The following SHISA9 variants were observed in gnomAD, a reference collection of about 807,000 sequenced individuals.
SHISA9 encodes shisa family member 9.
SHISA9 carries 13 observed loss-of-function variants against 38.0 expected under a neutral mutation model. That is an observed-to-expected ratio of 0.34 (90% CI 0.22 to 0.54). SHISA9 has a LOEUF of 0.54. Ranked by LOEUF, SHISA9 falls within the 20% of genes least tolerant of loss-of-function variation. The pLI is 0.91. For synonymous variants in SHISA9, 275 were observed against 242.0 expected (o/e 1.14, Z -1.27); for missense variants, 538 against 575.8 (o/e 0.93, Z 0.67).
chr16:12,965,618 T>C (rs1202270907), intron 2 of SHISA9, among the ~76,000 whole-genome samples: 3 of 152,206 alleles, frequency 2.0e-5, no homozygotes, highest in Admixed American at 6.5e-5. Context: ...AGGTGGCTGC[T>C]TTTTCAGGGA....
intron 2 of SHISA9, among the ~76,000 whole-genome samples, chr16:13,064,117 C>T (rs535745739): frequency 6.6e-6 from 1 of 152,264 alleles, no homozygotes; most frequent in Admixed American, 6.5e-5. Flanking sequence ...GTTGCCCAGG[C>T]TGGACTTGAA....
At chr16:13,072,778 A>G (rs1173213881) in intron 2 of SHISA9, among the ~76,000 whole-genome samples, 3 of 151,738 alleles carry the variant, frequency 2.0e-5, no homozygotes, top group African/African-American at 7.3e-5. Context: ...CTCCTGCCTC[A>G]GCCTCCTGAA....
intron 2 of SHISA9, among the ~76,000 whole-genome samples, chr16:13,061,008 T>A (rs927217348): frequency 6.6e-6 from 1 of 152,132 alleles, no homozygotes; most frequent in Non-Finnish European, 1.5e-5. Context: ...GCATGGTGCA[T>A]GGTATGGGGA....
the SHISA9 span, among the ~76,000 whole-genome samples, chr16:13,524,249 C>CG: frequency 3.3e-5 from 5 of 152,176 alleles, no homozygotes; most frequent in African/African-American, 1.2e-4. Context: ...ACATTGCCCC[C>CG]GGCTGTCCTG....
At chr16:13,318,838 A>G in the SHISA9 span, among the ~76,000 whole-genome samples, 1 of 152,334 alleles carries the variant, frequency 6.6e-6, no homozygotes, top group South Asian at 2.1e-4. Context: ...CTAAAAACAA[A>G]AGAAACTACA....
At chr16:13,421,844 C>T in the SHISA9 span, among the ~76,000 whole-genome samples, 3 of 152,264 alleles carry the variant, frequency 2.0e-5, no homozygotes, top group Non-Finnish European at 2.9e-5. Flanking sequence ...TTTTCCCAAA[C>T]GAATCCCAGG....
the SHISA9 span, among the ~76,000 whole-genome samples, chr16:13,336,119 A>G: frequency 6.6e-6 from 1 of 152,148 alleles, no homozygotes; most frequent in African/African-American, 2.4e-5. Context: ...GTCTCCCAGG[A>G]GCTAGTGGAA....
chr16:13,289,429 G>A, the SHISA9 span, among the ~76,000 whole-genome samples: 1 of 152,020 alleles, frequency 6.6e-6, no homozygotes, highest in Non-Finnish European at 1.5e-5. Context: ...CTTGTTCTTT[G>A]GGTCAGGGTT....
chr16:13,504,373 C>T, the SHISA9 span, among the ~76,000 whole-genome samples: 1 of 152,182 alleles, frequency 6.6e-6, no homozygotes, highest in South Asian at 2.1e-4. Context: ...TTTCCAAAAC[C>T]CATAAGGTCC....
rs1055182950 is a variant in SHISA9, at chr16:12,901,919, G to A, written c.-146G>A. On this transcript the variant is annotated 5_prime_UTR_variant, in exon 1 of 5. Transcript: ENST00000558583. ...CCGAGCGCAGTGGCCGCCGACCACCGAGCGCCCCGCGCCGCTCCCTGCATG... is the reference window on the plus strand; with the variant it reads ...CCGAGCGCAGTGGCCGCCGACCACCAAGCGCCCCGCGCCGCTCCCTGCATG... 8.8e-6 allele frequency: 4 copies of A among 455,898 alleles called. No homozygotes were observed. The highest frequency in any genetic ancestry group is 2.1e-5 in the African/African-American group (1 of 47,788). The allele number at this position is 455,898 out of a possible 1,614,324, so 28.2% of individuals were successfully genotyped here.
chr16:13,105,213 A>G (rs1183005247), intron 2 of SHISA9, among the ~76,000 whole-genome samples: 1 of 152,236 alleles, frequency 6.6e-6, no homozygotes, highest in East Asian at 1.9e-4. Flanking sequence ...TTTGAAATGT[A>G]CCATAGGAGT....
chr16:12,999,399 G>T (rs1023280654), intron 2 of SHISA9, among the ~76,000 whole-genome samples: 3 of 152,296 alleles, frequency 2.0e-5, no homozygotes, highest in South Asian at 4.1e-4. Context: ...TTTTCAGACT[G>T]CTCTGCACAT....
chr16:13,150,553 C>A (rs2050490335), intron 2 of SHISA9, among the ~76,000 whole-genome samples: 1 of 152,122 alleles, frequency 6.6e-6, no homozygotes, highest in African/African-American at 2.4e-5. Flanking sequence ...GCTTTGCTAC[C>A]CAGAGTTTAT....
chr16:13,457,965 C>A, the SHISA9 span, among the ~76,000 whole-genome samples: 1 of 151,780 alleles, frequency 6.6e-6, no homozygotes, highest in Non-Finnish European at 1.5e-5. Context: ...TCCTTCCTTT[C>A]TTCCTCCCTT....
the SHISA9 span, among the ~76,000 whole-genome samples, chr16:13,516,686 G>C: frequency 6.6e-5 from 10 of 152,130 alleles, no homozygotes; most frequent in Admixed American, 3.9e-4. Flanking sequence ...TGTAATCCCA[G>C]CTACTCGGGA....
the SHISA9 span, among the ~76,000 whole-genome samples, chr16:13,335,285 C>T: frequency 2.0e-4 from 30 of 152,268 alleles, no homozygotes; most frequent in Admixed American, 6.5e-4. Flanking sequence ...TGAGAGGTGA[C>T]AGACACAGAG....
At chr16:13,139,815 G>A (rs961171489) in intron 2 of SHISA9, among the ~76,000 whole-genome samples, 1 of 152,116 alleles carries the variant, frequency 6.6e-6, no homozygotes, top group Non-Finnish European at 1.5e-5. Flanking sequence ...GCTCAGCAAG[G>A]CAGCTTTAAA....
intron 2 of SHISA9, among the ~76,000 whole-genome samples, chr16:13,112,604 C>T (rs1041740060): frequency 1.3e-5 from 2 of 151,894 alleles, no homozygotes; most frequent in Non-Finnish European, 1.5e-5. Context: ...CAATACCTCT[C>T]ATTGAGAAGC....
intron 2 of SHISA9, among the ~76,000 whole-genome samples, chr16:13,019,780 CTT>C (rs1456634556): frequency 1.8e-5 from 2 of 112,424 alleles, no homozygotes; most frequent in Admixed American, 1.8e-4. Context: ...TTCTTTCTTT[CTT>C]TCTTTCTTTC....
Sources: gnomAD v4.1 joint callset for allele counts (sites outside exome capture counted in the v4.1 genomes callset) on GRCh38, gnomAD v4.1.1 for gene constraint, MANE v1.5 for transcripts, NCBI Gene and HGNC (gene_info 2026-07-23, HGNC 2026-07-21) for gene names.